DIP2C: variants seen among roughly 807,000 people sequenced by gnomAD.
DIP2C encodes the protein disco-interacting protein 2 homolog C.
Under a neutral mutation model 192.4 loss-of-function variants are expected in DIP2C, and 33 were observed. The ratio of observed to expected loss-of-function variants is 0.17; its 90% confidence interval spans 0.13 to 0.23. DIP2C has a LOEUF of 0.23. DIP2C is among the 10% of genes least tolerant of loss of function. The probability of loss-of-function intolerance (pLI) is 1.00; values close to 1 mark genes in which losing one functional copy is unlikely to be tolerated. For synonymous variants in DIP2C, 979 were observed against 864.1 expected, an observed-to-expected ratio of 1.13 and a Z score of -2.33; for missense variants, 1,537 against 2,110.1, an observed-to-expected ratio of 0.73 and a Z score of 5.32.
At chr10:292,612 C>G (rs1351567840) in intron 32 of DIP2C, among the ~76,000 whole-genome samples, 1 of 152,218 alleles carries the variant, frequency 6.6e-6, no homozygotes, top group Non-Finnish European at 1.5e-5. Context: ...CGCCGTGCAA[C>G]CGAGTGGGGA....
rs200666436 is a variant in DIP2C at position 310,016 on chromosome 10, A to G, written c.3986+15T>C. Reference sequence around the variant, plus strand: ...AAAAAAGGAAAAAAAGAAAAAACCCAGAAGTGTACAGTACCTGTCGTGTCT... The same window carrying G: ...AAAAAAGGAAAAAAAGAAAAAACCCGGAAGTGTACAGTACCTGTCGTGTCT... On this transcript the variant is annotated intron_variant, in intron 32 of 36. Transcript: ENST00000280886. The G allele has an allele frequency of 8.2e-4, 1,329 of 1,613,410 alleles. 5 individuals carry two copies. Among genetic ancestry groups the G allele is most frequent in the Middle Eastern group, 5.4e-3 (33 of 6,058 alleles).
intron 29 of DIP2C, among the ~76,000 whole-genome samples, chr10:334,930 T>TAC (rs1405243227): frequency 6.6e-6 from 1 of 152,206 alleles, no homozygotes; most frequent in Admixed American, 6.5e-5. Flanking sequence ...CCTTTATATT[T>TAC]ACTTCAGGAT....
intron 24 of DIP2C, among the ~76,000 whole-genome samples, chr10:350,136 T>G (rs899839316): frequency 6.6e-6 from 1 of 152,068 alleles, no homozygotes; most frequent in Non-Finnish European, 1.5e-5. Context: ...CAGGCTGGAG[T>G]GCAGTGGCAT....
At chr10:574,649 C>G (rs1029477139) in intron 1 of DIP2C, among the ~76,000 whole-genome samples, 1 of 152,212 alleles carries the variant, frequency 6.6e-6, no homozygotes, top group Non-Finnish European at 1.5e-5. Flanking sequence ...CACAATCTGC[C>G]CCAGCACTAA....
intron 1 of DIP2C, among the ~76,000 whole-genome samples, chr10:488,704 T>G (rs1448894762): frequency 6.6e-6 from 1 of 152,228 alleles, no homozygotes; most frequent in Non-Finnish European, 1.5e-5. Context: ...CTGCCCTGCA[T>G]GGATGACGCC....
intron 1 of DIP2C, among the ~76,000 whole-genome samples, chr10:670,370 GCA>G (rs752631900): frequency 4.0e-5 from 6 of 151,848 alleles, no homozygotes; most frequent in Middle Eastern, 3.4e-3. Context: ...ATACACACAT[GCA>G]CACACATGCA....
At chr10:482,044 A>G (rs1843653676) in intron 2 of DIP2C, among the ~76,000 whole-genome samples, 1 of 152,202 alleles carries the variant, frequency 6.6e-6, no homozygotes, top group South Asian at 2.1e-4. Context: ...CGACATGGAG[A>G]TGGGAATCCG....
rs760550085 is a variant in DIP2C at position 327,018 on chromosome 10, C to T, written c.3912G>A (p.Ala1304=). ...STSFGCRVNL[A]ICLQGTSGPD... ...CGCCGAATCTCACCTGCAAGCAAAT[C>T]GCCAGGTTCACCCTGCAACCGAACG... The change falls in exon 31 of 37, where the codon GCG becomes GCA. Residue 1304 remains alanine (A), a synonymous_variant. Transcript: ENST00000280886. 1.8e-5 allele frequency: 29 copies of T among 1,612,940 alleles called. No homozygotes were observed. The highest frequency in any genetic ancestry group is 1.7e-4 in the Middle Eastern group (1 of 6,058).
At chr10:623,353 C>A (rs552667867) in intron 1 of DIP2C, among the ~76,000 whole-genome samples, 1 of 151,106 alleles carries the variant, frequency 6.6e-6, no homozygotes, top group East Asian at 2.0e-4. Context: ...GCCGTGCTGG[C>A]GAGGGAGGTC....
intron 1 of DIP2C, among the ~76,000 whole-genome samples, chr10:604,783 C>T (rs1852348616): frequency 6.6e-6 from 1 of 152,176 alleles, no homozygotes; most frequent in South Asian, 2.1e-4. Flanking sequence ...AGGGGGTTTG[C>T]CTATGACTTG....
At chr10:558,510 C>T (rs954119935) in intron 1 of DIP2C, among the ~76,000 whole-genome samples, 2 of 152,142 alleles carry the variant, frequency 1.3e-5, no homozygotes, top group Non-Finnish European at 2.9e-5. Flanking sequence ...GGGGTGGAGG[C>T]GGGCGCCCAG....
intron 8 of DIP2C, among the ~76,000 whole-genome samples, chr10:411,815 G>A (rs1353526513): frequency 2.6e-5 from 4 of 152,308 alleles, no homozygotes; most frequent in East Asian, 3.9e-4. Flanking sequence ...GTTCATCTAC[G>A]TTAGCGTTTC....
chr10:518,583 C>G (rs1291445846), intron 1 of DIP2C, among the ~76,000 whole-genome samples: 5 of 152,176 alleles, frequency 3.3e-5, no homozygotes, highest in African/African-American at 9.6e-5. Flanking sequence ...CCCACTGTGT[C>G]AGGGCCAGAG....
At chr10:654,557 G>GA (rs1856162270) in intron 1 of DIP2C, among the ~76,000 whole-genome samples, 2 of 152,178 alleles carry the variant, frequency 1.3e-5, no homozygotes, top group South Asian at 4.2e-4. Context: ...ACTGTTTACA[G>GA]AAAACATCTC....
intron 1 of DIP2C, chr10:662,013 G>C: frequency 1.4e-6 from 1 of 714,182 alleles, no homozygotes; most frequent in South Asian, 1.5e-5. Flanking sequence ...TCGCCATGGC[G>C]AGTGCCCCGC....
intron 4 of DIP2C, among the ~76,000 whole-genome samples, chr10:435,754 G>T (rs138524729): frequency 6.6e-6 from 1 of 152,296 alleles, no homozygotes; most frequent in East Asian, 1.9e-4. Flanking sequence ...CAACTCCATT[G>T]TAATAAAAAG....
At chr10:311,457 T>C (rs1956563036) in intron 31 of DIP2C, 1 of 1,172,142 alleles carries the variant, frequency 8.5e-7, no homozygotes, top group Admixed American at 4.2e-5. Context: ...CAACTGCTAG[T>C]CTGTCCCACG....
rs896506618 is a variant in DIP2C, at chr10:470,996, G to A, written c.268+1443C>T. Among the ~76,000 whole-genome samples, 8 of 152,268 alleles carry A rather than the reference G, an allele frequency of 5.3e-5. No individual in the cohort carries two copies. In the South Asian group the frequency reaches 1.0e-3, roughly 20 times the overall value. ...AGCGTTGGTCACAGGCTGACAGTACGCAGGTGCCTCCACACTCCTGAACTC... is the reference window on the plus strand; with the variant it reads ...AGCGTTGGTCACAGGCTGACAGTACACAGGTGCCTCCACACTCCTGAACTC... On this transcript the variant is annotated intron_variant, in intron 3 of 36. Coordinates refer to ENST00000280886, the MANE Select transcript of DIP2C (RefSeq NM_014974.3).
chr10:327,271 G>C, intron 30 of DIP2C, 95 bp from the exon 31 acceptor site: 1 of 1,423,334 alleles, frequency 7.0e-7, no homozygotes, highest in Non-Finnish European at 9.3e-7. Context: ...GTAAACATTG[G>C]AAAACTCAAC....
Sources: gnomAD v4.1 joint callset for allele counts (sites outside exome capture counted in the v4.1 genomes callset) on GRCh38, gnomAD v4.1.1 for gene constraint, MANE v1.5 for transcripts, NCBI Gene and HGNC (gene_info 2026-07-23, HGNC 2026-07-21) for gene names.